Variants in ECM2 observed in about 807,000 individuals in gnomAD.
ECM2 encodes extracellular matrix protein 2, female organ and adipocyte specific.
Under a neutral mutation model 67.5 loss-of-function variants are expected in ECM2, and 57 were observed. The ratio of observed to expected loss-of-function variants is 0.84; its 90% confidence interval spans 0.68 to 1.05. The LOEUF is 1.05. ECM2 is among the 50% of genes least tolerant of loss of function. The pLI is 0.00. For missense variants in ECM2, 741 were observed against 822.8 expected (o/e 0.90, Z 1.22); for synonymous variants, 258 against 294.5 (o/e 0.88, Z 1.27).
At chr9:92,543,986 A>G in the ECM2 span, among the ~76,000 whole-genome samples, 1 of 152,226 alleles carries the variant, frequency 6.6e-6, no homozygotes. Flanking sequence ...CAAACAGAGA[A>G]AATGTACCTT....
intron 1 of ECM2, among the ~76,000 whole-genome samples, chr9:92,532,255 T>C (rs940970494): frequency 5.9e-5 from 9 of 151,924 alleles, no homozygotes; most frequent in Non-Finnish European, 1.2e-4. Flanking sequence ...TAATTTTTTT[T>C]CTCTCACTGT....
chr9:92,528,539 A>G (rs1040439514), intron 1 of ECM2, among the ~76,000 whole-genome samples: 20 of 131,194 alleles, frequency 1.5e-4, no homozygotes, highest in African/African-American at 7.4e-4. Context: ...TAAAGGACAA[A>G]GGGGAAAACA....
intron 1 of ECM2, among the ~76,000 whole-genome samples, chr9:92,531,066 T>C (rs1217921867): frequency 6.6e-6 from 1 of 152,200 alleles, no homozygotes; most frequent in African/African-American, 2.4e-5. Flanking sequence ...GTGGAGTTTT[T>C]TAATGCAGTT....
intron 1 of ECM2, among the ~76,000 whole-genome samples, chr9:92,533,751 A>G (rs1382615585): frequency 6.6e-6 from 1 of 152,134 alleles, no homozygotes; most frequent in Non-Finnish European, 1.5e-5. Context: ...TGAAAATGTC[A>G]TTGTTTAATT....
chr9:92,547,083 A>T, the ECM2 span, among the ~76,000 whole-genome samples: 59 of 152,338 alleles, frequency 3.9e-4, no homozygotes, highest in African/African-American at 1.4e-3. Context: ...TATTATGATT[A>T]TACTGGGTTT....
chr9:92,540,142 G>C (rs1418700981), upstream of ECM2, among the ~76,000 whole-genome samples: 1 of 152,194 alleles, frequency 6.6e-6, no homozygotes, highest in African/African-American at 2.4e-5. Context: ...ATTGAAGTAA[G>C]AAAGAAATGA....
the ECM2 span, among the ~76,000 whole-genome samples, chr9:92,557,501 A>G: frequency 6.6e-6 from 1 of 152,230 alleles, no homozygotes; most frequent in South Asian, 2.1e-4. Flanking sequence ...GACTTCTTGG[A>G]GGCTTTGTTC....
intron 7 of ECM2, among the ~76,000 whole-genome samples, chr9:92,504,700 A>ATT (rs942622344): frequency 6.6e-6 from 1 of 150,864 alleles, no homozygotes; most frequent in Non-Finnish European, 1.5e-5. Context: ...ATGACTGGCT[A>ATT]TTTTTTTTTA....
chr9:92,551,940 T>TG, the ECM2 span, among the ~76,000 whole-genome samples: 540 of 113,324 alleles, frequency 4.8e-3, 18 homozygotes, highest in Non-Finnish European at 6.2e-3. Context: ...TATATATATA[T>TG]ATATATATAT....
At chr9:92,526,735 G>A (rs1392465145) in intron 1 of ECM2, among the ~76,000 whole-genome samples, 1 of 151,806 alleles carries the variant, frequency 6.6e-6, no homozygotes, top group African/African-American at 2.4e-5. Context: ...AGTATATAAA[G>A]TTAAATTACA....
intron 5 of ECM2, among the ~76,000 whole-genome samples, chr9:92,510,482 T>G (rs1485728009): frequency 6.6e-6 from 1 of 152,218 alleles, no homozygotes; most frequent in Non-Finnish European, 1.5e-5. Flanking sequence ...TTTTATCTAC[T>G]CCAGAAAGGT....
chr9:92,546,048 G>T, the ECM2 span, among the ~76,000 whole-genome samples: 1 of 151,858 alleles, frequency 6.6e-6, no homozygotes, highest in East Asian at 1.9e-4. Flanking sequence ...CTAGCTCAGG[G>T]TTTGCAAATG....
rs550294227 is a variant in ECM2 at position 92,514,806 on chromosome 9, T to C, written c.879A>G (p.Val293=). Residue 293 remains valine (V), a synonymous_variant, in exon 4 of 10, where the codon GTA becomes GTG. Coordinates refer to ENST00000344604, the MANE Select transcript of ECM2 (RefSeq NM_001393.4). ...EEDEEDEEDP[V]RGDMFRMPSR... The stretch of plus-strand genomic sequence containing the variant: ...AGGGCATTCGGAACATATCTCCTCT[T>C]ACCGGGTCCTCCTCGTCCTCCTCAT... 1 of 1,613,724 alleles carries C rather than the reference T, an allele frequency of 6.2e-7. No individual in the cohort carries two copies. Among genetic ancestry groups the C allele is most frequent in the East Asian group, 2.2e-5 (1 of 44,858 alleles).
intron 1 of ECM2, among the ~76,000 whole-genome samples, chr9:92,535,661 TTAA>T (rs555360427): frequency 1.3e-3 from 193 of 152,254 alleles, no homozygotes; most frequent in Non-Finnish European, 2.3e-3. Flanking sequence ...GACTTAAAAA[TTAA>T]TAATATTTTC....
Position 92,502,533 on chromosome 9 carries a change from A to G in ECM2, c.1584T>C (p.Pro528=). 2.5e-6 allele frequency: 4 copies of G among 1,613,056 alleles called. No homozygotes were observed. The highest frequency in any genetic ancestry group is 1.7e-5 in the Admixed American group (1 of 59,782). ...YNKIEENRIA[P]LAWINQENLE... Reference sequence around the variant, plus strand: ...CTTACTCTTGATTTATCCAGGCTAAAGGAGCAATCCTATTTTCTTCAATTT... The same window carrying G: ...CTTACTCTTGATTTATCCAGGCTAAGGGAGCAATCCTATTTTCTTCAATTT... Residue 528 remains proline (P), a synonymous_variant, in exon 8 of 10, where the codon CCT becomes CCC. Coordinates refer to ENST00000344604, the MANE Select transcript of ECM2 (RefSeq NM_001393.4).
chr9:92,551,238 G>A, the ECM2 span, among the ~76,000 whole-genome samples: 2 of 152,140 alleles, frequency 1.3e-5, no homozygotes, highest in Admixed American at 1.3e-4. Flanking sequence ...ACAGTTTCAG[G>A]CAAGAAAATT....
intron 2 of ECM2, 91 bp downstream of exon 2, chr9:92,522,484 G>A: frequency 8.0e-7 from 1 of 1,257,012 alleles, no homozygotes; most frequent in Non-Finnish European, 1.1e-6. Context: ...TCATGGAGAT[G>A]TTCTCCCTCT....
the ECM2 span, among the ~76,000 whole-genome samples, chr9:92,544,085 C>G: frequency 4.8e-3 from 730 of 152,316 alleles, 5 homozygotes; most frequent in African/African-American, 0.016. Context: ...ATAGAAGTTG[C>G]GTGAGTCAGC....
intron 3 of ECM2, among the ~76,000 whole-genome samples, chr9:92,516,007 A>T (rs1306850520): frequency 6.6e-6 from 1 of 151,926 alleles, no homozygotes; most frequent in Non-Finnish European, 1.5e-5. Context: ...CAAAGACTAG[A>T]TTCAAATTCA....
Sources: allele counts gnomAD v4.1 joint callset (sites outside exome capture counted in the v4.1 genomes callset), GRCh38; gene constraint gnomAD v4.1.1; transcripts MANE v1.5; gene names NCBI Gene and HGNC (gene_info 2026-07-23, HGNC 2026-07-21).